Variants in MFSD8 observed in about 807,000 individuals in gnomAD.
MFSD8 encodes major facilitator superfamily domain containing 8.
In MFSD8, 55 loss-of-function variants were observed where a neutral mutation model predicts 66.4. The observed-to-expected ratio is 0.83, with a 90% CI of 0.67 to 1.04. The LOEUF is 1.04. Among genes scored for constraint, MFSD8 ranks in the 50% least tolerant of loss-of-function variants. MFSD8 has a pLI of 0.00. For synonymous variants in MFSD8, 202 were observed against 212.8 expected, an observed-to-expected ratio of 0.95 and a Z score of 0.44; for missense variants, 550 against 627.6, an observed-to-expected ratio of 0.88 and a Z score of 1.32.
At chr4:127,943,175 G>A (rs921437060) in intron 4 of MFSD8, among the ~76,000 whole-genome samples, 7 of 149,608 alleles carry the variant, frequency 4.7e-5, no homozygotes, top group African/African-American at 1.5e-4. Context: ...CCAAGATTGC[G>A]CCACTGCATT....
chr4:127,965,047 G>T (rs751056937), intron 1 of MFSD8, 25 bp downstream of exon 1: 6 of 1,611,882 alleles, frequency 3.7e-6, no homozygotes, highest in Non-Finnish European at 5.1e-6. Flanking sequence ...GAGACTGAGG[G>T]GTCCCTCCAC....
chr4:127,939,666 T>C (rs1325385843), intron 6 of MFSD8, 187 bp downstream of exon 6: 2 of 405,822 alleles, frequency 4.9e-6, no homozygotes, highest in Non-Finnish European at 8.7e-6. Flanking sequence ...TTTTCTGTTC[T>C]CATTTATCAG....
At chr4:127,949,537 GACC>G (rs1013772415) in intron 3 of MFSD8, among the ~76,000 whole-genome samples, 2 of 152,182 alleles carry the variant, frequency 1.3e-5, no homozygotes, top group Non-Finnish European at 2.9e-5. Flanking sequence ...CTGAGTAGGT[GACC>G]ATACATCTAC....
At position 127,956,170 on chromosome 4, in the gene MFSD8, CAAG is replaced by C. The variant is rs768329558; in HGVS notation, c.154+1328_154+1330del. ...TTTAAAAAGAAATTTTGCACATCTTCAAGAAGTAGCAGAACAAATAATTGACTG... is the reference window on the plus strand; with the variant it reads ...TTTAAAAAGAAATTTTGCACATCTTCAAGTAGCAGAACAAATAATTGACTG... On this transcript the variant is annotated intron_variant, in intron 2 of 11. Transcript: ENST00000641686. Among the ~76,000 whole-genome samples the C allele has an allele frequency of 1.3e-4, 19 of 151,184 alleles. 1 individual carries two copies. In the South Asian group the frequency reaches 4.0e-3, roughly 31 times the overall value.
intron 5 of MFSD8, 118 bp downstream of exon 5, chr4:127,941,927 T>C: frequency 1.3e-6 from 1 of 782,234 alleles, no homozygotes; most frequent in Non-Finnish European, 2.2e-6. Flanking sequence ...AAAAAAAAAA[T>C]TAGCTTTCCT....
Position 127,938,811 on chromosome 4 carries a change from T to C in MFSD8, c.726A>G (p.Arg242=), listed in dbSNP as rs753174925. The C allele has an allele frequency of 3.7e-6, 6 of 1,610,566 alleles. No individual in the cohort carries two copies. In the East Asian group the frequency reaches 1.3e-4, roughly 36 times the overall value. The change falls in exon 7 of 12, where the codon AGA becomes AGG. Residue 242 remains arginine, a synonymous_variant. Coordinates refer to ENST00000641686, the MANE Select transcript of MFSD8 (RefSeq NM_001371596.2). The part of the protein sequence containing the change: ...LREHRVDDSG[R]QCKSINFEEA... The stretch of plus-strand genomic sequence containing the variant: ...CTTCAAAATTAATACTTTTACACTG[T>C]CTTCCTGAGTCATCCACACGATGTT...
At chr4:127,933,300 A>C (rs1360592112) in intron 7 of MFSD8, 1 of 458,710 alleles carries the variant, frequency 2.2e-6, no homozygotes, top group Non-Finnish European at 4.0e-6. Flanking sequence ...ACTAGAGTGC[A>C]GTGTCATGAT....
intron 9 of MFSD8, among the ~76,000 whole-genome samples, chr4:127,929,005 T>C (rs569006790): frequency 2.1e-4 from 32 of 152,192 alleles, no homozygotes; most frequent in African/African-American, 7.7e-4. Flanking sequence ...TATCACATGT[T>C]CTCACTCATG....
intron 2 of MFSD8, among the ~76,000 whole-genome samples, chr4:127,951,299 G>A (rs1456310902): frequency 1.3e-5 from 2 of 151,832 alleles, no homozygotes; most frequent in African/African-American, 2.4e-5. Context: ...ACCCGATCTC[G>A]GCTCACTGCA....
chr4:127,963,350 G>A (rs1006707648), intron 1 of MFSD8, among the ~76,000 whole-genome samples: 3 of 152,192 alleles, frequency 2.0e-5, no homozygotes, highest in African/African-American at 7.2e-5. Context: ...GGCCAAATAT[G>A]GAATGCAGAA....
intron 6 of MFSD8, chr4:127,939,608 A>G (rs1739776931): frequency 5.0e-6 from 1 of 198,160 alleles, no homozygotes; most frequent in Non-Finnish European, 9.7e-6. Context: ...TTGTCTCAAA[A>G]AAAAAAAAAA....
chr4:127,957,703 T>C, intron 1 of MFSD8, 111 bp from the exon 2 acceptor site: 2 of 743,104 alleles, frequency 2.7e-6, no homozygotes, highest in Non-Finnish European at 4.6e-6. Context: ...AGGTAGAATT[T>C]ACCAATATTG....
chr4:127,951,065 A>AT (rs1741870654), intron 2 of MFSD8, among the ~76,000 whole-genome samples: 1 of 152,076 alleles, frequency 6.6e-6, no homozygotes, highest in African/African-American at 2.4e-5. Context: ...CTCAAAAAAA[A>AT]AAAGGAAAAA....
chr4:127,941,513 A>G (rs994435758), intron 5 of MFSD8, among the ~76,000 whole-genome samples: 1 of 152,102 alleles, frequency 6.6e-6, no homozygotes, highest in Non-Finnish European at 1.5e-5. Flanking sequence ...CCCAAGCTGG[A>G]GTGCAATGAT....
chr4:127,955,985 A>T (rs983225017), intron 2 of MFSD8, among the ~76,000 whole-genome samples: 1 of 151,916 alleles, frequency 6.6e-6, no homozygotes, highest in Non-Finnish European at 1.5e-5. Context: ...TGGGCGTGAT[A>T]GCGTGCGCCT....
intron 3 of MFSD8, among the ~76,000 whole-genome samples, chr4:127,946,330 CCTT>C (rs1353403816): frequency 1.3e-5 from 2 of 152,114 alleles, no homozygotes. Context: ...CTACTAATAT[CCTT>C]CTTTTGAGAA....
At position 127,945,984 on chromosome 4, in the gene MFSD8, A is replaced by C. The variant is rs1462313614; in HGVS notation, c.199-1992T>G. On this transcript the variant is annotated intron_variant, in intron 3 of 11. Transcript: ENST00000641686. ...CACCCAGGCCAGAATACAGTGGCAT[A>C]ATCTTGGCTCACTGTAACCTCAAAC... 2.7e-5 allele frequency among the ~76,000 whole-genome samples: 4 copies of C among 150,834 alleles called. No homozygotes were observed. The East Asian group carries it at 7.8e-4, about 29-fold the overall frequency.
intron 7 of MFSD8, among the ~76,000 whole-genome samples, chr4:127,937,151 C>A (rs146584400): frequency 6.6e-6 from 1 of 152,316 alleles, no homozygotes; most frequent in Non-Finnish European, 1.5e-5. Flanking sequence ...CTCTCACTCC[C>A]TTTCTGCTGC....
chr4:127,964,782 C>T, intron 1 of MFSD8: 1 of 556,152 alleles, frequency 1.8e-6, no homozygotes, highest in South Asian at 2.0e-5. Context: ...TGAGGACTGC[C>T]AGCACGCTGT....
Sources: allele counts gnomAD v4.1 joint callset (sites outside exome capture counted in the v4.1 genomes callset), GRCh38; gene constraint gnomAD v4.1.1; transcripts MANE v1.5; gene names NCBI Gene and HGNC (gene_info 2026-07-23, HGNC 2026-07-21).